Variants in TMCC3 observed in about 807,000 individuals in gnomAD.
TMCC3 encodes transmembrane and coiled-coil domain family 3, also known as transmembrane and coiled-coil domain protein 3.
TMCC3 carries 28 observed loss-of-function variants against 40.2 expected under a neutral mutation model. That is an observed-to-expected ratio of 0.70 (90% CI 0.52 to 0.95). The LOEUF (loss-of-function observed/expected upper bound fraction) is 0.95. TMCC3 is among the 40% of genes least tolerant of loss of function. The probability of loss-of-function intolerance (pLI) is 0.00; values close to 1 mark genes in which losing one functional copy is unlikely to be tolerated. For synonymous variants in TMCC3, 255 were observed against 248.5 expected (o/e 1.03, Z -0.25); for missense variants, 554 against 615.2 (o/e 0.90, Z 1.05).
intron 1 of TMCC3, among the ~76,000 whole-genome samples, chr12:94,618,648 G>A (rs753900799): frequency 1.3e-5 from 2 of 152,104 alleles, no homozygotes; most frequent in Non-Finnish European, 2.9e-5. Flanking sequence ...GTCCCCAAGG[G>A]CCGAGGAAGA....
At chr12:94,615,974 C>A in intron 1 of TMCC3, 1 of 985,442 alleles carries the variant, frequency 1.0e-6, no homozygotes, top group Non-Finnish European at 1.2e-6. Context: ...AGCTAGCTCA[C>A]CCTCCTGCCC....
chr12:94,640,591 C>T (rs2068984253), intron 1 of TMCC3, among the ~76,000 whole-genome samples: 1 of 152,130 alleles, frequency 6.6e-6, no homozygotes, highest in South Asian at 2.1e-4. Flanking sequence ...AAGGAGATAA[C>T]TGATTTAGAA....
At chr12:94,618,892 G>A (rs1044566255) in intron 1 of TMCC3, among the ~76,000 whole-genome samples, 4 of 152,022 alleles carry the variant, frequency 2.6e-5, no homozygotes, top group East Asian at 1.9e-4. Context: ...ACTTTTTGTC[G>A]TGTCTACAAG....
intron 3 of TMCC3, among the ~76,000 whole-genome samples, chr12:94,575,964 A>T (rs1274527): frequency 0.52 from 78,322 of 151,738 alleles, 21,262 homozygotes; most frequent in African/African-American, 0.68. Flanking sequence ...TAAAAAAAAA[A>T]TTTTTTTCTA....
rs774529733 is a variant in TMCC3 at position 94,578,444 on chromosome 12, T to A, written c.1081A>T (p.Ile361Phe). 2.5e-6 allele frequency: 4 copies of A among 1,614,190 alleles called. No homozygotes were observed. In the South Asian group the frequency reaches 4.4e-5, roughly 18 times the overall value. ...GCCTGGTAGGCCACCTTCTCCTCAA[T>A]GCTGGCCAGCTCCTGCTTCAGGTTG... ...TANLKQELAS[I>F]EEKVAYQAYE... Residue 361 changes from isoleucine to phenylalanine, a missense_variant, in exon 3 of 4, where the codon ATT (isoleucine) becomes TTT (phenylalanine). Transcript: ENST00000261226.
rs200764955 is a variant in TMCC3, at chr12:94,570,481, G to C, written c.*954C>G. On this transcript the variant is annotated 3_prime_UTR_variant, in exon 4 of 4. Transcript: ENST00000261226. ...TCAAGATTTGCCAAAAAACAGCCAG[G>C]CATGGTGGCTTGTGCCTGCAGTCCC... 6.6e-6 allele frequency: 1 copy of C among 152,184 alleles called. No homozygotes were observed. Among genetic ancestry groups the C allele is most frequent in the African/African-American group, 2.4e-5 (1 of 41,440 alleles). 9.4% of individuals were successfully genotyped at this position (152,184 alleles called of 1,614,324 possible).
At chr12:94,629,437 G>C (rs1268908866) in intron 1 of TMCC3, among the ~76,000 whole-genome samples, 3 of 152,120 alleles carry the variant, frequency 2.0e-5, no homozygotes, top group Admixed American at 2.0e-4. Flanking sequence ...TCTGTCTGTG[G>C]GTCTGTCCTC....
chr12:94,620,734 A>C (rs188481962), intron 1 of TMCC3, among the ~76,000 whole-genome samples: 13 of 152,346 alleles, frequency 8.5e-5, no homozygotes, highest in Non-Finnish European at 1.5e-4. Flanking sequence ...AACTAGGCAC[A>C]AATAGAAACT....
intron 1 of TMCC3, among the ~76,000 whole-genome samples, chr12:94,590,646 T>C (rs1196334466): frequency 6.6e-6 from 1 of 152,172 alleles, no homozygotes. Flanking sequence ...CTGATACAGC[T>C]GGGAGACCGA....
intron 1 of TMCC3, among the ~76,000 whole-genome samples, chr12:94,610,612 A>G (rs1467994832): frequency 6.6e-6 from 1 of 152,208 alleles, no homozygotes; most frequent in Non-Finnish European, 1.5e-5. Context: ...TGCAAACAGC[A>G]TAGACATCCA....
intron 1 of TMCC3, among the ~76,000 whole-genome samples, chr12:94,630,007 T>C (rs905014093): frequency 6.6e-6 from 1 of 152,246 alleles, no homozygotes; most frequent in African/African-American, 2.4e-5. Context: ...GGCTCATGCC[T>C]GTAATCCCAA....
At chr12:94,584,265 A>G (rs1162115216) in intron 1 of TMCC3, among the ~76,000 whole-genome samples, 1 of 151,996 alleles carries the variant, frequency 6.6e-6, no homozygotes, top group Non-Finnish European at 1.5e-5. Flanking sequence ...GTTGTTTAAA[A>G]GTGTGTAGCA....
At chr12:94,578,165 A>AAAAAATAAG (rs1467855760) in intron 3 of TMCC3, among the ~76,000 whole-genome samples, 3 of 123,368 alleles carry the variant, frequency 2.4e-5, no homozygotes, top group Non-Finnish European at 4.9e-5. Flanking sequence ...AAAAAAAAAA[A>AAAAAATAAG]AAAGAAAAAG....
rs745556540 is a variant in TMCC3 at position 94,582,188 on chromosome 12, G to A, written c.429C>T (p.Ile143=). The A allele has an allele frequency of 5.0e-6, 8 of 1,613,946 alleles. No individual in the cohort carries two copies. Among genetic ancestry groups the A allele is most frequent in the African/African-American group, 2.7e-5 (2 of 74,896 alleles). ...LEQYHRKLRE[I]EQNGASRSSK... ...AGCTCCTAGAGGCTCCATTCTGCTCGATCTCTCTGAGCTTTCGATGATACT... is the reference window on the plus strand; with the variant it reads ...AGCTCCTAGAGGCTCCATTCTGCTCAATCTCTCTGAGCTTTCGATGATACT... The change falls in exon 2 of 4, where the codon ATC becomes ATT. Residue 143 remains isoleucine, a synonymous_variant. Transcript: ENST00000261226.
rs140962529 is a variant in TMCC3, at chr12:94,590,883, C to A, written c.79-8345G>T. 1.2e-4 allele frequency: 68 copies of A among 575,088 alleles called. 1 individual carries two copies. In the East Asian group the frequency reaches 3.1e-3, roughly 26 times the overall value. The allele number at this position is 575,088 out of a possible 1,614,324, so 35.6% of individuals were successfully genotyped here. A position where few individuals can be genotyped will look rare whatever the true frequency, so the allele number is the denominator to read the frequency against. ...CTGGAGAGGAGCCCCTGGATGTTATCGGGCTCAGCCTAGATGAGTGAGTTT... is the reference window on the plus strand; with the variant it reads ...CTGGAGAGGAGCCCCTGGATGTTATAGGGCTCAGCCTAGATGAGTGAGTTT... On this transcript the variant is annotated intron_variant, in intron 1 of 3. Transcript: ENST00000261226.
rs1253109126 is a variant in TMCC3 at position 94,568,261 on chromosome 12, T to G, written c.*3174A>C. 1 of 146,216 alleles carries G rather than the reference T, an allele frequency of 6.8e-6. No homozygotes were observed. Among genetic ancestry groups the G allele is most frequent in the Non-Finnish European group, 1.5e-5 (1 of 67,148 alleles). The allele number at this position is 146,216 out of a possible 1,614,324, so 9.1% of individuals were successfully genotyped here. ...TGCTGTTTCATTATGGATTTCCATT[T>G]TTTTTTTTTTTTTTTGGCAGTTGGG... On this transcript the variant is annotated 3_prime_UTR_variant, in exon 4 of 4. Coordinates refer to ENST00000261226, the MANE Select transcript of TMCC3 (RefSeq NM_020698.4).
chr12:94,611,780 A>AC (rs1345973531), intron 1 of TMCC3, among the ~76,000 whole-genome samples: 1 of 151,788 alleles, frequency 6.6e-6, no homozygotes, highest in Non-Finnish European at 1.5e-5. Flanking sequence ...AAAAAAAAAA[A>AC]CACTCGGTAC....
intron 1 of TMCC3, among the ~76,000 whole-genome samples, chr12:94,613,420 T>C (rs997185932): frequency 3.3e-5 from 5 of 152,066 alleles, no homozygotes; most frequent in Non-Finnish European, 7.4e-5. Flanking sequence ...TGAGCCAAGA[T>C]CACGCCACTG....
chr12:94,569,035 A>G lies in TMCC3; in HGVS notation c.*2400T>C, dbSNP rs1447430448. The G allele has an allele frequency of 6.6e-6, 1 of 152,230 alleles. No homozygotes were observed. The highest frequency in any genetic ancestry group is 1.5e-5 in the Non-Finnish European group (1 of 68,038). The allele number at this position is 152,230 out of a possible 1,614,324, so 9.4% of individuals were successfully genotyped here. Reference sequence around the variant, plus strand: ...CACAGGTCTGAGAAGTGTGCATTAAAGCACATTTGCTAGGCTGAGCACTGG... The same window carrying G: ...CACAGGTCTGAGAAGTGTGCATTAAGGCACATTTGCTAGGCTGAGCACTGG... On this transcript the variant is annotated 3_prime_UTR_variant, in exon 4 of 4. Transcript: ENST00000261226.
Sources: allele counts gnomAD v4.1 joint callset (sites outside exome capture counted in the v4.1 genomes callset), GRCh38; gene constraint gnomAD v4.1.1; transcripts MANE v1.5; gene names NCBI Gene and HGNC (gene_info 2026-07-23, HGNC 2026-07-21).